Variants in MYO1C observed in about 807,000 individuals in gnomAD.
MYO1C encodes the protein unconventional myosin-Ic.
A neutral mutation model predicts 150.8 loss-of-function variants in MYO1C; 104 were observed. That is an observed-to-expected ratio of 0.69 (90% CI 0.59 to 0.81). MYO1C has a LOEUF of 0.81. MYO1C is among the 30% of genes least tolerant of loss of function. MYO1C has a pLI of 0.00. For missense variants in MYO1C, 1,504 were observed against 1,435.0 expected, an observed-to-expected ratio of 1.05 and a Z score of -0.78; for synonymous variants, 663 against 579.9, an observed-to-expected ratio of 1.14 and a Z score of -2.06.
In MYO1C at chr17:1,478,191, A is replaced by G; in HGVS notation, c.1297T>C (p.Phe433Leu). The G allele has an allele frequency of 1.9e-6, 3 of 1,613,654 alleles. No individual in the cohort carries two copies. Among genetic ancestry groups the G allele is most frequent in the Non-Finnish European group, 2.5e-6 (3 of 1,179,956 alleles). ...YGFEVFQHNS[F>L]EQFCINYCNE... The stretch of plus-strand genomic sequence containing the variant: ...CAGTAATTGATGCAGAACTGCTCAA[A>G]GCTGTAAGGAAGGAGAAGAGCCCAC... Residue 433 changes from phenylalanine (F) to leucine (L), a missense_variant and splice_region_variant, in exon 12 of 32, where the codon TTT becomes CTT. Transcript: ENST00000648651. The surrounding 1 kb of genome is among the most constrained non-coding windows in gnomAD (Gnocchi z 6.3).
chr17:1,484,006 C>T (rs2074595816), intron 2 of MYO1C, 142 bp downstream of exon 2: 3 of 1,079,712 alleles, frequency 2.8e-6, no homozygotes, highest in Admixed American at 4.5e-5. Context: ...CGCGCCACTG[C>T]ACTCCAGCCT....
At position 1,479,373 on chromosome 17, in the gene MYO1C, T is replaced by C; in HGVS notation, c.1092+58A>G. 1 of 828,070 alleles carries C rather than the reference T, an allele frequency of 1.2e-6. No individual in the cohort carries two copies. Among genetic ancestry groups the C allele is most frequent in the Non-Finnish European group, 2.0e-6 (1 of 498,370 alleles). 51.3% of individuals were successfully genotyped at this position (828,070 alleles called of 1,614,324 possible). ...ACCAGGCGAAGGGGAGTGATGGGAG[T>C]AGGGGCTGCCTTGGAACAGCTGCCC... is the stretch of plus-strand genomic sequence containing the variant. On this transcript the variant is annotated intron_variant, in intron 9 of 31. Transcript: ENST00000648651. The surrounding 1 kb of genome is among the most constrained non-coding windows in gnomAD (Gnocchi z 4.2).
At chr17:1,475,960 G>GA (rs949221528) in intron 14 of MYO1C, among the ~76,000 whole-genome samples, 4 of 151,918 alleles carry the variant, frequency 2.6e-5, no homozygotes, top group Admixed American at 2.0e-4. Context: ...TCTCGACTAC[G>GA]AAAAAAAATG....
At chr17:1,474,087 C>T (rs1454143364) in intron 17 of MYO1C, among the ~76,000 whole-genome samples, 1 of 151,888 alleles carries the variant, frequency 6.6e-6, no homozygotes, top group Admixed American at 6.6e-5. Flanking sequence ...ACACAGCCCA[C>T]ACTGAAGACA....
intron 1 of MYO1C, among the ~76,000 whole-genome samples, chr17:1,488,918 G>T (rs964259164): frequency 3.3e-5 from 5 of 152,214 alleles, no homozygotes; most frequent in Non-Finnish European, 5.9e-5. Flanking sequence ...GCTATCTAGT[G>T]CCCTTCAGCT....
chr17:1,468,554 GC>G lies in MYO1C; in HGVS notation c.2611-59del. The G allele has an allele frequency of 4.3e-6, 6 of 1,411,064 alleles. No homozygotes were observed. The South Asian group carries it at 5.8e-5, about 14-fold the overall frequency. 87.4% of individuals were successfully genotyped at this position (1,411,064 alleles called of 1,614,324 possible). A position where few individuals can be genotyped will look rare whatever the true frequency, so the allele number is the denominator to read the frequency against. On this transcript the variant is annotated intron_variant, in intron 25 of 31. Coordinates refer to ENST00000648651, the MANE Select transcript of MYO1C (RefSeq NM_001080779.2). ...TGGTGGGGAGCACCATCTTGGGGGG[GC>G]AGAGCCAGCCTTAGGACCTGAGACA... is the stretch of plus-strand genomic sequence containing the variant.
chr17:1,490,333 T>TA (rs34316938), intron 1 of MYO1C, among the ~76,000 whole-genome samples: 1,954 of 144,130 alleles, frequency 0.014, 41 homozygotes, highest in African/African-American at 0.045. Context: ...CCGTCTCTAC[T>TA]AAAAAAAAAA....
At chr17:1,471,176 G>T in intron 20 of MYO1C, 29 bp from the exon 21 acceptor site, 1 of 1,613,772 alleles carries the variant, frequency 6.2e-7, no homozygotes, top group South Asian at 1.1e-5. Context: ...TCAGCCCGGG[G>T]TTGCCACTCC....
intron 1 of MYO1C, chr17:1,484,514 C>T (rs1420001991): frequency 3.2e-6 from 2 of 631,046 alleles, no homozygotes; most frequent in Admixed American, 2.6e-5. Context: ...GGGCCCGGGT[C>T]CCAGTGTGGC....
At position 1,470,056 on chromosome 17, in the gene MYO1C, C is replaced by T. The variant is rs928190872; in HGVS notation, c.2526+119G>A. ...AAAAAAGAGACCTTACTTTTCACTGCTCAGCTCTGGTCCGGGCCCTCCGTG... is the reference window on the plus strand; with the variant it reads ...AAAAAAGAGACCTTACTTTTCACTGTTCAGCTCTGGTCCGGGCCCTCCGTG... On this transcript the variant is annotated intron_variant, in intron 24 of 31. Transcript: ENST00000648651. 13 of 1,087,272 alleles carry T rather than the reference C, an allele frequency of 1.2e-5. No individual in the cohort carries two copies. The East Asian group carries it at 1.3e-4, about 11-fold the overall frequency. 67.4% of individuals were successfully genotyped at this position (1,087,272 alleles called of 1,614,324 possible). A position where few individuals can be genotyped will look rare whatever the true frequency, so the allele number is the denominator to read the frequency against.
chr17:1,484,790 C>G lies in MYO1C; in HGVS notation c.76-487G>C. 5.0e-5 allele frequency: 19 copies of G among 377,176 alleles called. 2 individuals carry two copies. Among genetic ancestry groups the G allele is most frequent in the South Asian group, 3.6e-4 (18 of 50,634 alleles). 23.4% of individuals were successfully genotyped at this position (377,176 alleles called of 1,614,324 possible). ...AGTTAGACCAGGTGACCTCAGGTCC[C>G]TCAGCTCTGAGCCACGTGTGACAGG... On this transcript the variant is annotated intron_variant, in intron 1 of 31. Coordinates refer to ENST00000648651, the MANE Select transcript of MYO1C (RefSeq NM_001080779.2).
Position 1,479,175 on chromosome 17 carries a change from A to G in MYO1C, c.1092+256T>C, listed in dbSNP as rs1001261091. 7.2e-5 allele frequency among the ~76,000 whole-genome samples: 11 copies of G among 152,120 alleles called. No individual in the cohort carries two copies. The highest frequency in any genetic ancestry group is 1.5e-4 in the Non-Finnish European group (10 of 67,972). ...ATGCCCGGCTAATTTTTGTATTCTTAGTAGATGGGGTTTCACCATGTTGGC... is the reference window on the plus strand; with the variant it reads ...ATGCCCGGCTAATTTTTGTATTCTTGGTAGATGGGGTTTCACCATGTTGGC... On this transcript the variant is annotated intron_variant, in intron 9 of 31. Coordinates refer to ENST00000648651, the MANE Select transcript of MYO1C (RefSeq NM_001080779.2). The surrounding 1 kb of genome is among the most constrained non-coding windows in gnomAD (Gnocchi z 4.2).
At position 1,467,407 on chromosome 17, in the gene MYO1C, C is replaced by T. The variant is rs370124423; in HGVS notation, c.3066-66G>A. On this transcript the variant is annotated intron_variant, in intron 30 of 31. Coordinates refer to ENST00000648651, the MANE Select transcript of MYO1C (RefSeq NM_001080779.2). ...GACCCCCAACCCTAAGGTGGACCCC[C>T]ACCCTGTCCCTGGGTGCCCACACAG... 31 of 1,596,936 alleles carry T rather than the reference C, an allele frequency of 1.9e-5. No individual in the cohort carries two copies. The East Asian group carries it at 3.4e-4, about 17-fold the overall frequency.
At chr17:1,471,604 G>A (rs1287136267) in intron 19 of MYO1C, among the ~76,000 whole-genome samples, 2 of 152,140 alleles carry the variant, frequency 1.3e-5, no homozygotes, top group South Asian at 2.1e-4. Context: ...CCACCCTTTC[G>A]GAGCCCCTTG....
intron 16 of MYO1C, 42 bp from the exon 17 acceptor site, chr17:1,474,732 G>C: frequency 6.2e-7 from 1 of 1,613,352 alleles, no homozygotes. Flanking sequence ...CACAGGGACA[G>C]GCAGGACAGG....
At chr17:1,482,266 G>A (rs569989239) in intron 5 of MYO1C, among the ~76,000 whole-genome samples, 12 of 151,964 alleles carry the variant, frequency 7.9e-5, no homozygotes, top group South Asian at 2.1e-4. Context: ...TAATACGACC[G>A]CACCTGCCCC....
intron 25 of MYO1C, 161 bp downstream of exon 25, chr17:1,469,370 A>T (rs1403968681): frequency 4.3e-6 from 3 of 693,948 alleles, no homozygotes; most frequent in Non-Finnish European, 7.7e-6. Flanking sequence ...TGGGGTAAAT[A>T]GAGTAGACCA....
At chr17:1,480,472 A>AT in intron 7 of MYO1C, 55 bp downstream of exon 7, 10 of 1,408,712 alleles carry the variant, frequency 7.1e-6, no homozygotes, top group South Asian at 1.2e-5. Flanking sequence ...CAAAAAAAAA[A>AT]GGAGATTTTG....
intron 17 of MYO1C, among the ~76,000 whole-genome samples, chr17:1,474,041 CCA>C (rs2074353343): frequency 6.6e-6 from 1 of 152,044 alleles, no homozygotes. Flanking sequence ...ATATGGGCAC[CCA>C]CAGAGACAGA....
Sources: allele counts gnomAD v4.1 joint callset (sites outside exome capture counted in the v4.1 genomes callset), GRCh38; gene constraint gnomAD v4.1.1; non-coding constraint Gnocchi (gnomAD v3.1); transcripts MANE v1.5; gene names NCBI Gene and HGNC (gene_info 2026-07-23, HGNC 2026-07-21).